HPCAL1: variants seen among roughly 807,000 people sequenced by gnomAD.
HPCAL1 encodes the protein hippocalcin-like protein 1.
HPCAL1 carries 8 observed loss-of-function variants against 17.1 expected under a neutral mutation model. The observed-to-expected ratio is 0.47, with a 90% CI of 0.27 to 0.84. The LOEUF is 0.84. HPCAL1 is among the 40% of genes least tolerant of loss of function. The pLI is 0.13. For missense variants in HPCAL1, 165 were observed against 271.1 expected, an observed-to-expected ratio of 0.61 and a Z score of 2.75; for synonymous variants, 112 against 111.4, an observed-to-expected ratio of 1.01 and a Z score of -0.03.
intron 1 of HPCAL1, among the ~76,000 whole-genome samples, chr2:10,339,107 G>T (rs1376155898): frequency 6.6e-6 from 1 of 152,004 alleles, no homozygotes; most frequent in Non-Finnish European, 1.5e-5. Flanking sequence ...CTGAGGAATG[G>T]GTGCCCATCA....
intron 1 of HPCAL1, among the ~76,000 whole-genome samples, chr2:10,379,553 C>T (rs919736589): frequency 2.0e-5 from 3 of 151,964 alleles, no homozygotes; most frequent in East Asian, 3.9e-4. Flanking sequence ...ATGGCCCGGC[C>T]TCCAAGGCCT....
chr2:10,310,252 G>A lies in HPCAL1; in HGVS notation c.-111+7075G>A, dbSNP rs762879945. Among the ~76,000 whole-genome samples the A allele has an allele frequency of 1.1e-4, 17 of 152,120 alleles. No homozygotes were observed. The highest frequency in any genetic ancestry group is 1.6e-4 in the Non-Finnish European group (11 of 68,020). ...TCATGTGCAGAAAGGGGTTCTAGGC[G>A]CAGCTCAGACGTAGATGGGGACGCA... On this transcript the variant is annotated intron_variant, in intron 1 of 4. Coordinates refer to ENST00000307845, the MANE Select transcript of HPCAL1 (RefSeq NM_002149.4). This position sits in a 1 kb window ranked among gnomAD's most constrained non-coding sequence, Gnocchi z 4.5.
At chr2:10,321,415 GT>G (rs879930538) in intron 1 of HPCAL1, among the ~76,000 whole-genome samples, 11 of 147,182 alleles carry the variant, frequency 7.5e-5, no homozygotes, top group South Asian at 6.5e-4. Context: ...GAGAGATGCA[GT>G]TTTTTTTTTT....
chr2:10,341,306 CA>C (rs1186261642), intron 1 of HPCAL1, among the ~76,000 whole-genome samples: 2 of 151,938 alleles, frequency 1.3e-5, no homozygotes, highest in Non-Finnish European at 2.9e-5. Context: ...CAAAAAAATA[CA>C]AAAATTAGCC....
chr2:10,364,580 C>A (rs898958090), intron 1 of HPCAL1, among the ~76,000 whole-genome samples: 1 of 151,714 alleles, frequency 6.6e-6, no homozygotes, highest in African/African-American at 2.4e-5. Context: ...CCTAAGCTCC[C>A]GCCTCCTTTT....
intron 1 of HPCAL1, among the ~76,000 whole-genome samples, chr2:10,360,803 C>T (rs904642983): frequency 2.0e-5 from 3 of 151,972 alleles, no homozygotes; most frequent in African/African-American, 7.3e-5. Flanking sequence ...GTAGCCATTC[C>T]AGCATAGTTA....
rs1670893636 is a variant in HPCAL1, at chr2:10,419,461, A to C, written c.-24-273A>C. On this transcript the variant is annotated intron_variant, in intron 2 of 4. Transcript: ENST00000307845. The surrounding 1 kb of genome is among the most constrained non-coding windows in gnomAD (Gnocchi z 5.0). ...TGGGCACCGGATGATGCCCTGTTCC[A>C]CTGATTTTAAGTTGCATTTTCCCCC... 6.6e-6 allele frequency among the ~76,000 whole-genome samples: 1 copy of C among 151,770 alleles called. No individual in the cohort carries two copies. The highest frequency in any genetic ancestry group is 1.5e-5 in the Non-Finnish European group (1 of 68,000).
chr2:10,347,993 C>A (rs1665578207), intron 1 of HPCAL1, among the ~76,000 whole-genome samples: 1 of 152,126 alleles, frequency 6.6e-6, no homozygotes, highest in African/African-American at 2.4e-5. Flanking sequence ...TGCATTTGTT[C>A]ATGCTTTAAC....
rs898837609 is a variant in HPCAL1, at chr2:10,310,877, A to G, written c.-111+7700A>G. On this transcript the variant is annotated intron_variant, in intron 1 of 4. Coordinates refer to ENST00000307845, the MANE Select transcript of HPCAL1 (RefSeq NM_002149.4). This position sits in a 1 kb window ranked among gnomAD's most constrained non-coding sequence, Gnocchi z 4.5. ...TGCCTTCTTTCTGTGCATTTAACAG[A>G]CGTTTCCAGAAAGCAGAATTGATGA... Among the ~76,000 whole-genome samples the G allele has an allele frequency of 1.3e-5, 2 of 152,084 alleles. No individual in the cohort carries two copies. Among genetic ancestry groups the G allele is most frequent in the African/African-American group, 4.8e-5 (2 of 41,384 alleles).
chr2:10,351,720 C>T (rs1398077504), intron 1 of HPCAL1, among the ~76,000 whole-genome samples: 1 of 151,990 alleles, frequency 6.6e-6, no homozygotes, highest in African/African-American at 2.4e-5. Flanking sequence ...GATCGTGCCA[C>T]TGCACTCCAG....
chr2:10,411,549 C>T (rs1432284291), intron 2 of HPCAL1, among the ~76,000 whole-genome samples: 3 of 152,194 alleles, frequency 2.0e-5, no homozygotes, highest in East Asian at 1.9e-4. Flanking sequence ...CCGAGTGCCC[C>T]GGGAATGAGC....
Position 10,363,601 on chromosome 2 carries a change from G to A in HPCAL1, c.-110-33234G>A, listed in dbSNP as rs371558306. On this transcript the variant is annotated intron_variant, in intron 1 of 4. Transcript: ENST00000307845. The surrounding 1 kb of genome is among the most constrained non-coding windows in gnomAD (Gnocchi z 4.7). ...GAAGCCTCCTCCTGTCAGAACCACC[G>A]GGGAGCTCACAAGCTAAAGTGCAGA... 4.6e-5 allele frequency among the ~76,000 whole-genome samples: 7 copies of A among 152,164 alleles called. No homozygotes were observed. The highest frequency in any genetic ancestry group is 7.3e-5 in the Non-Finnish European group (5 of 68,028).
In HPCAL1 at chr2:10,365,832, C is replaced by T. The variant is rs1043441344; in HGVS notation, c.-110-31003C>T. Reference sequence around the variant, plus strand: ...GGCCTGCTGCATTCTGGGTTGAGGTCCTCTTGCTGCCTCTCTGTGAGCGAG... The same window carrying T: ...GGCCTGCTGCATTCTGGGTTGAGGTTCTCTTGCTGCCTCTCTGTGAGCGAG... On this transcript the variant is annotated intron_variant, in intron 1 of 4. Transcript: ENST00000307845. This position sits in a 1 kb window ranked among gnomAD's most constrained non-coding sequence, Gnocchi z 4.8. Among the ~76,000 whole-genome samples, 2 of 152,108 alleles carry T rather than the reference C, an allele frequency of 1.3e-5. No homozygotes were observed. The highest frequency in any genetic ancestry group is 2.9e-5 in the Non-Finnish European group (2 of 68,026).
At chr2:10,402,445 G>A (rs959452969) in intron 2 of HPCAL1, among the ~76,000 whole-genome samples, 1 of 152,112 alleles carries the variant, frequency 6.6e-6, no homozygotes, top group African/African-American at 2.4e-5. Flanking sequence ...GACTAAAGAT[G>A]GCAAAGAGTG....
At position 10,427,011 on chromosome 2, in the gene HPCAL1, A is replaced by C; in HGVS notation, c.*190A>C. 1.7e-6 allele frequency: 1 copy of C among 586,840 alleles called. No individual in the cohort carries two copies. The highest frequency in any genetic ancestry group is 2.8e-5 in the Admixed American group (1 of 36,260). 36.4% of individuals were successfully genotyped at this position (586,840 alleles called of 1,614,324 possible). ...TGACCAACGCGACATTCCTCCCCTC[A>C]CGCCTGGCCCGGTCCCTTCCAGGGC... On this transcript the variant is annotated 3_prime_UTR_variant, in exon 5 of 5. Transcript: ENST00000307845.
intron 3 of HPCAL1, among the ~76,000 whole-genome samples, chr2:10,422,045 G>T (rs188182554): frequency 6.6e-6 from 1 of 152,116 alleles, no homozygotes; most frequent in Admixed American, 6.5e-5. Context: ...GTCACTGGCC[G>T]TGCAGAGGCT....
At chr2:10,345,460 A>G (rs1391249952) in intron 1 of HPCAL1, among the ~76,000 whole-genome samples, 2 of 70,480 alleles carry the variant, frequency 2.8e-5, no homozygotes, top group East Asian at 4.3e-4. Context: ...TTGTCCTAGA[A>G]AAACTTTTTT....
At chr2:10,400,678 C>G (rs1021290422) in intron 2 of HPCAL1, among the ~76,000 whole-genome samples, 1 of 152,196 alleles carries the variant, frequency 6.6e-6, no homozygotes, top group South Asian at 2.1e-4. Flanking sequence ...TGTGGTCGTC[C>G]CCTCCAGCCC....
Position 10,395,113 on chromosome 2 carries a change from AACACAC to A in HPCAL1, c.-110-1681_-110-1676del, listed in dbSNP as rs55678486. On this transcript the variant is annotated intron_variant, in intron 1 of 4. Transcript: ENST00000307845. This position sits in a 1 kb window ranked among gnomAD's most constrained non-coding sequence, Gnocchi z 4.4. Reference sequence around the variant, plus strand: ...TGTCCAGCCTAAAATCTATCTTTAAAACACACACACACACACACACACACACACACA... The same window carrying A: ...TGTCCAGCCTAAAATCTATCTTTAAAACACACACACACACACACACACACA... Among the ~76,000 whole-genome samples, 4,277 of 138,398 alleles carry A rather than the reference AACACAC, an allele frequency of 0.031. 72 individuals carry two copies. Among genetic ancestry groups the A allele is most frequent in the South Asian group, 0.048 (194 of 4,074 alleles). 90.8% of individuals were successfully genotyped at this position (138,398 alleles called of 152,430 possible). A position where few individuals can be genotyped will look rare whatever the true frequency, so the allele number is the denominator to read the frequency against.
Sources: allele counts gnomAD v4.1 joint callset (sites outside exome capture counted in the v4.1 genomes callset), GRCh38; gene constraint gnomAD v4.1.1; non-coding constraint Gnocchi (gnomAD v3.1); transcripts MANE v1.5; gene names NCBI Gene and HGNC (gene_info 2026-07-23, HGNC 2026-07-21).